SLC44A5: variants seen among roughly 807,000 people sequenced by gnomAD.
SLC44A5 encodes choline transporter-like protein 5.
A neutral mutation model predicts 101.8 loss-of-function variants in SLC44A5; 57 were observed. The observed-to-expected ratio is 0.56, with a 90% CI of 0.45 to 0.70. The LOEUF (loss-of-function observed/expected upper bound fraction) is 0.70. Among genes scored for constraint, SLC44A5 ranks in the 30% least tolerant of loss-of-function variants. The pLI, the probability that SLC44A5 is intolerant of heterozygous loss-of-function variation, is 0.00. For missense variants in SLC44A5, 737 were observed against 853.1 expected (o/e 0.86, Z 1.70); for synonymous variants, 281 against 290.9 (o/e 0.97, Z 0.35).
Position 75,500,162 on chromosome 1 carries a change from G to A in SLC44A5, c.13+41273C>T, listed in dbSNP as rs189070539. Among the ~76,000 whole-genome samples the A allele has an allele frequency of 2.0e-3, 303 of 152,138 alleles. 1 individual carries two copies. The highest frequency in any genetic ancestry group is 1.9e-3 in the Non-Finnish European group (127 of 68,012). Reference sequence around the variant, plus strand: ...ACCCAATATTGCTATTATGTGAGCCGGAAATAAACTACTATGTTAAACCAT... The same window carrying A: ...ACCCAATATTGCTATTATGTGAGCCAGAAATAAACTACTATGTTAAACCAT... On this transcript the variant is annotated intron_variant, in intron 2 of 23. Transcript: ENST00000370859.
intron 2 of SLC44A5, among the ~76,000 whole-genome samples, chr1:75,502,539 T>G (rs1343152364): frequency 2.0e-5 from 3 of 149,572 alleles, no homozygotes. Flanking sequence ...GATCTCTACT[T>G]TCTTTTTTAT....
At position 75,219,854 on chromosome 1, in the gene SLC44A5, G is replaced by A. The variant is rs1166370787; in HGVS notation, c.1124C>T (p.Ala375Val). ...GATTGAGAGCAAAATGAAAGTTAAAGCTGGATAGACTAATGTACTAGGAAC... is the reference window on the plus strand; with the variant it reads ...GATTGAGAGCAAAATGAAAGTTAAAACTGGATAGACTAATGTACTAGGAAC... ...GYVPSTLVYP[A>V]LTFILLSICI... The change falls in exon 15 of 24, where the codon GCT becomes GTT. Residue 375 changes from alanine to valine, a missense_variant. By Grantham distance (64) the Ala-to-Val change is moderately conservative. Coordinates refer to ENST00000370859, the MANE Select transcript of SLC44A5 (RefSeq NM_001130058.2). 1.9e-6 allele frequency: 3 copies of A among 1,612,580 alleles called. No individual in the cohort carries two copies. The highest frequency in any genetic ancestry group is 2.5e-6 in the Non-Finnish European group (3 of 1,179,012).
At chr1:75,363,065 CTT>C (rs925222716) in intron 3 of SLC44A5, among the ~76,000 whole-genome samples, 3 of 151,952 alleles carry the variant, frequency 2.0e-5, no homozygotes, top group African/African-American at 7.2e-5. Context: ...ATCTTTGTCT[CTT>C]TTTAAAGTTT....
chr1:75,266,696 C>CT (rs1221485084), intron 6 of SLC44A5, among the ~76,000 whole-genome samples: 2 of 152,318 alleles, frequency 1.3e-5, no homozygotes, highest in South Asian at 2.1e-4. Flanking sequence ...TGTGTTACCC[C>CT]TTTTTTCTCA....
chr1:75,296,228 A>G (rs960276218), intron 5 of SLC44A5, among the ~76,000 whole-genome samples: 1 of 152,018 alleles, frequency 6.6e-6, no homozygotes, highest in South Asian at 2.1e-4. Flanking sequence ...TCATTTCTCT[A>G]TTAAAGAAGC....
chr1:75,662,899 A>G, the SLC44A5 span, among the ~76,000 whole-genome samples: 1 of 152,106 alleles, frequency 6.6e-6, no homozygotes, highest in Non-Finnish European at 1.5e-5. Context: ...ATGTATTCAA[A>G]ACAAACTCTC....
chr1:75,634,800 A>G, the SLC44A5 span, among the ~76,000 whole-genome samples: 1 of 152,180 alleles, frequency 6.6e-6, no homozygotes, highest in South Asian at 2.1e-4. Context: ...AACAAAAGAC[A>G]AAATTGATAA....
chr1:75,219,728 T>G, intron 15 of SLC44A5, 72 bp downstream of exon 15: 1 of 967,300 alleles, frequency 1.0e-6, no homozygotes, highest in Non-Finnish European at 1.6e-6. Flanking sequence ...TAGAAAACAC[T>G]GAACACAAAC....
At chr1:75,455,057 T>G (rs1476466721) in intron 2 of SLC44A5, among the ~76,000 whole-genome samples, 2 of 152,030 alleles carry the variant, frequency 1.3e-5, no homozygotes, top group East Asian at 3.9e-4. Flanking sequence ...AGAGCCCAAA[T>G]AGCCCAGACA....
intron 2 of SLC44A5, among the ~76,000 whole-genome samples, chr1:75,412,397 T>C (rs1300549477): frequency 6.6e-6 from 1 of 152,186 alleles, no homozygotes; most frequent in Admixed American, 6.5e-5. Context: ...ATTTCAACCA[T>C]TTTAATCATA....
the SLC44A5 span, among the ~76,000 whole-genome samples, chr1:75,624,037 T>A: frequency 1.3e-5 from 2 of 152,080 alleles, no homozygotes; most frequent in Admixed American, 1.3e-4. Context: ...AAGTACCAGG[T>A]AAACCTGGAA....
intron 2 of SLC44A5, chr1:75,521,426 C>T (rs534637629): frequency 2.6e-5 from 4 of 152,274 alleles, no homozygotes; most frequent in Admixed American, 2.0e-4. Context: ...TTCATTTTCT[C>T]TTCTGAAATG....
intron 5 of SLC44A5, 42 bp from the exon 6 acceptor site, chr1:75,275,084 C>T (rs1217437480): frequency 6.7e-7 from 1 of 1,500,132 alleles, no homozygotes; most frequent in Non-Finnish European, 9.2e-7. Context: ...CAGCAAAAGC[C>T]AGCTAAAGGC....
chr1:75,434,977 C>T (rs1462323199), intron 2 of SLC44A5, among the ~76,000 whole-genome samples: 9 of 152,124 alleles, frequency 5.9e-5, no homozygotes, highest in Non-Finnish European at 1.3e-4. Context: ...TACGTGTTTC[C>T]TTAACCAGCC....
the SLC44A5 span, among the ~76,000 whole-genome samples, chr1:75,635,605 A>G: frequency 7.2e-6 from 1 of 138,850 alleles, no homozygotes; most frequent in Non-Finnish European, 1.5e-5. Flanking sequence ...GAATTGAACA[A>G]TGAGAACACA....
chr1:75,218,868 C>T (rs1261008703), intron 16 of SLC44A5, 116 bp from the exon 17 acceptor site: 12 of 882,166 alleles, frequency 1.4e-5, no homozygotes, highest in African/African-American at 3.4e-5. Flanking sequence ...CTGTTAGCTC[C>T]TGCTCTTACT....
intron 2 of SLC44A5, among the ~76,000 whole-genome samples, chr1:75,433,363 C>T (rs1664717185): frequency 6.6e-6 from 1 of 152,040 alleles, no homozygotes; most frequent in South Asian, 2.1e-4. Flanking sequence ...GAGCTCTTTA[C>T]CCTTCATTCT....
At chr1:75,248,467 G>A (rs891337249) in intron 7 of SLC44A5, among the ~76,000 whole-genome samples, 2 of 152,098 alleles carry the variant, frequency 1.3e-5, no homozygotes. Context: ...AAGGCAGAAT[G>A]AGTATATGAC....
chr1:75,644,204 T>G, the SLC44A5 span, among the ~76,000 whole-genome samples: 1 of 152,146 alleles, frequency 6.6e-6, no homozygotes, highest in Admixed American at 6.6e-5. Context: ...TAAAAAAAAT[T>G]TAGCATATGC....
Sources: gnomAD v4.1 joint callset for allele counts (sites outside exome capture counted in the v4.1 genomes callset) on GRCh38, gnomAD v4.1.1 for gene constraint, MANE v1.5 for transcripts, NCBI Gene and HGNC (gene_info 2026-07-23, HGNC 2026-07-21) for gene names.